The following DPP6 variants were observed in gnomAD, a reference collection of about 807,000 sequenced individuals.
DPP6 encodes A-type potassium channel modulatory protein DPP6.
In DPP6, 69 loss-of-function variants were observed where a neutral mutation model predicts 122.6. That is an observed-to-expected ratio of 0.56 (90% confidence interval 0.46 to 0.69). The LOEUF (loss-of-function observed/expected upper bound fraction) is 0.69. Among genes scored for constraint, DPP6 ranks in the 30% least tolerant of loss-of-function variants. DPP6 has a pLI of 0.00. For synonymous variants in DPP6, 418 were observed against 433.1 expected (o/e 0.97, Z 0.43); for missense variants, 928 against 1,116.9 (o/e 0.83, Z 2.41).
chr7:154,411,135 T>C (rs765619947), intron 1 of DPP6, among the ~76,000 whole-genome samples: 7 of 152,256 alleles, frequency 4.6e-5, no homozygotes, highest in Non-Finnish European at 8.8e-5. Context: ...GACTCTTTAA[T>C]GTTTAGTAGA....
intron 1 of DPP6, among the ~76,000 whole-genome samples, chr7:154,167,018 A>G (rs1797286404): frequency 6.7e-6 from 1 of 149,452 alleles, no homozygotes; most frequent in Non-Finnish European, 1.5e-5. Context: ...AATTGTAAGT[A>G]TGTGTGGGGC....
At chr7:154,477,565 A>C (rs1372448885) in intron 3 of DPP6, among the ~76,000 whole-genome samples, 1 of 151,996 alleles carries the variant, frequency 6.6e-6, no homozygotes, top group Non-Finnish European at 1.5e-5. Flanking sequence ...ATGTGGAGAC[A>C]CAAGAGCACA....
intron 16 of DPP6, among the ~76,000 whole-genome samples, chr7:154,822,224 C>T (rs7782474): frequency 0.8 from 121,985 of 151,560 alleles, 49,193 homozygotes; most frequent in Non-Finnish European, 0.84. Flanking sequence ...TTCATCCATC[C>T]TGGCAGCTGT....
intron 1 of DPP6, among the ~76,000 whole-genome samples, chr7:153,950,056 C>G (rs1400978690): frequency 6.7e-6 from 1 of 150,006 alleles, no homozygotes; most frequent in Non-Finnish European, 1.5e-5. Flanking sequence ...TGTGGGGAGA[C>G]AGACAGGGCA....
At chr7:154,331,326 C>T (rs991597199) in intron 1 of DPP6, among the ~76,000 whole-genome samples, 2 of 152,212 alleles carry the variant, frequency 1.3e-5, no homozygotes, top group African/African-American at 4.8e-5. Flanking sequence ...TTATTTTTCT[C>T]TATGACCTAC....
intron 1 of DPP6, among the ~76,000 whole-genome samples, chr7:154,394,441 T>C (rs531095043): frequency 6.6e-6 from 1 of 152,240 alleles, no homozygotes; most frequent in African/African-American, 2.4e-5. Context: ...TTGAGTTGTT[T>C]TGTTGTATTT....
intron 8 of DPP6, among the ~76,000 whole-genome samples, chr7:154,761,024 A>G (rs1296553709): frequency 2.6e-5 from 4 of 152,036 alleles, no homozygotes; most frequent in African/African-American, 7.2e-5. Flanking sequence ...TAGTAGAGAC[A>G]GGGTTTCACC....
At chr7:154,462,410 A>G (rs1451722017) in intron 2 of DPP6, among the ~76,000 whole-genome samples, 2 of 152,182 alleles carry the variant, frequency 1.3e-5, no homozygotes, top group African/African-American at 4.8e-5. Flanking sequence ...TGTCATCAGT[A>G]TTTTGATAGA....
intron 1 of DPP6, among the ~76,000 whole-genome samples, chr7:154,063,883 A>C (rs925090727): frequency 6.6e-6 from 1 of 151,584 alleles, no homozygotes; most frequent in Non-Finnish European, 1.5e-5. Flanking sequence ...ACAGTGAAGG[A>C]GAATCATGTC....
At chr7:154,110,569 A>C (rs1257152381) in intron 1 of DPP6, among the ~76,000 whole-genome samples, 2 of 152,220 alleles carry the variant, frequency 1.3e-5, no homozygotes, top group Non-Finnish European at 2.9e-5. Flanking sequence ...ACAATAGAGC[A>C]GAAGGGAGAC....
At chr7:154,120,704 A>G (rs954031760) in intron 1 of DPP6, among the ~76,000 whole-genome samples, 8 of 152,270 alleles carry the variant, frequency 5.3e-5, no homozygotes, top group Admixed American at 2.6e-4. Flanking sequence ...AAACATGAAA[A>G]TACAGTTGAT....
chr7:154,499,911 C>T (rs1825082033), intron 3 of DPP6, among the ~76,000 whole-genome samples: 1 of 152,076 alleles, frequency 6.6e-6, no homozygotes, highest in African/African-American at 2.4e-5. Context: ...TGAAAGGATA[C>T]AGAACAAAAT....
intron 1 of DPP6, among the ~76,000 whole-genome samples, chr7:153,998,870 G>A (rs2533567): frequency 5.3e-5 from 8 of 152,230 alleles, no homozygotes; most frequent in African/African-American, 1.7e-4. Context: ...TCTTTTGAAT[G>A]AATGGAATCC....
chr7:154,743,783 A>C (rs1290869616), intron 8 of DPP6, among the ~76,000 whole-genome samples: 1 of 151,896 alleles, frequency 6.6e-6, no homozygotes, highest in East Asian at 1.9e-4. Context: ...GATTGGTTCC[A>C]GGACCCCTGA....
chr7:154,829,029 C>T (rs1263899395), intron 16 of DPP6, among the ~76,000 whole-genome samples: 1 of 152,140 alleles, frequency 6.6e-6, no homozygotes, highest in African/African-American at 2.4e-5. Flanking sequence ...TTATAATTCA[C>T]ATTTATATTT....
At chr7:153,929,298 G>A (rs1179640934) in intron 1 of DPP6, among the ~76,000 whole-genome samples, 1 of 152,176 alleles carries the variant, frequency 6.6e-6, no homozygotes, top group Non-Finnish European at 1.5e-5. Flanking sequence ...TGGGGAATGA[G>A]ACATGAGGAT....
At chr7:154,131,301 A>T (rs569336704) in intron 1 of DPP6, among the ~76,000 whole-genome samples, 1 of 152,368 alleles carries the variant, frequency 6.6e-6, no homozygotes, top group African/African-American at 2.4e-5. Context: ...TTACCTTGCC[A>T]TGATATCTTC....
chr7:154,289,138 A>T (rs1191427208), intron 1 of DPP6, among the ~76,000 whole-genome samples: 1 of 152,204 alleles, frequency 6.6e-6, no homozygotes, highest in Non-Finnish European at 1.5e-5. Context: ...GAGAAGGGGG[A>T]TGCTGGTGAA....
chr7:153,959,097 T>G (rs1217595518), intron 1 of DPP6, among the ~76,000 whole-genome samples: 3 of 152,080 alleles, frequency 2.0e-5, no homozygotes, highest in Non-Finnish European at 4.4e-5. Flanking sequence ...GAACCTGGCC[T>G]CCTCTCCGTT....
Sources: gnomAD v4.1 joint callset for allele counts (sites outside exome capture counted in the v4.1 genomes callset) on GRCh38, gnomAD v4.1.1 for gene constraint, MANE v1.5 for transcripts, NCBI Gene and HGNC (gene_info 2026-07-23, HGNC 2026-07-21) for gene names.